Variants in DISC1 observed in about 807,000 individuals in gnomAD.
DISC1 encodes the protein disrupted in schizophrenia 1 protein.
DISC1 carries 57 observed loss-of-function variants against 84.5 expected under a neutral mutation model. The ratio of observed to expected loss-of-function variants is 0.67; its 90% confidence interval spans 0.55 to 0.84. DISC1 has a LOEUF of 0.84. Among genes scored for constraint, DISC1 ranks in the 40% least tolerant of loss-of-function variants. The probability of loss-of-function intolerance (pLI) is 0.00; values close to 1 mark genes in which losing one functional copy is unlikely to be tolerated. For missense variants in DISC1, 1,000 were observed against 1,057.8 expected, an observed-to-expected ratio of 0.95 and a Z score of 0.76; for synonymous variants, 411 against 415.2, an observed-to-expected ratio of 0.99 and a Z score of 0.12.
chr1:231,917,051 A>C (rs968816281), intron 9 of DISC1, among the ~76,000 whole-genome samples: 1 of 152,186 alleles, frequency 6.6e-6, no homozygotes, highest in Non-Finnish European at 1.5e-5. Flanking sequence ...TCGGGGTACG[A>C]CATAGAAATG....
intron 11 of DISC1, among the ~76,000 whole-genome samples, chr1:232,021,373 CAA>C (rs1491437851): frequency 2.1e-5 from 3 of 142,416 alleles, no homozygotes; most frequent in East Asian, 2.1e-4. Flanking sequence ...CACACACACA[CAA>C]CCCTCAGAAT....
At position 232,009,393 on chromosome 1, in the gene DISC1, T is replaced by C. The variant is rs1187337209; in HGVS notation, c.2307+344T>C. 5.3e-6 allele frequency: 4 copies of C among 754,284 alleles called. No individual in the cohort carries two copies. Among genetic ancestry groups the C allele is most frequent in the Non-Finnish European group, 6.6e-6 (4 of 609,110 alleles). The allele number at this position is 754,284 out of a possible 1,614,324, so 46.7% of individuals were successfully genotyped here. On this transcript the variant is annotated intron_variant, in intron 11 of 12. Coordinates refer to ENST00000439617, the MANE Select transcript of DISC1 (RefSeq NM_018662.3). This position sits in a 1 kb window ranked among gnomAD's most constrained non-coding sequence, Gnocchi z 4.6. Reference sequence around the variant, plus strand: ...TAGTTATTATATTCACTATAGATTATATATGCCATACATGATATTTAACAT... The same window carrying C: ...TAGTTATTATATTCACTATAGATTACATATGCCATACATGATATTTAACAT...
At chr1:231,633,238 C>G (rs1371487261) in intron 1 of DISC1, among the ~76,000 whole-genome samples, 1 of 152,176 alleles carries the variant, frequency 6.6e-6, no homozygotes, top group Non-Finnish European at 1.5e-5. Context: ...GACAGCCACA[C>G]ATTAGAAAGG....
intron 9 of DISC1, among the ~76,000 whole-genome samples, chr1:231,834,195 A>G: frequency 6.6e-6 from 1 of 152,190 alleles, no homozygotes; most frequent in South Asian, 2.1e-4. Context: ...ACTGTAAGCC[A>G]GACCGGGTGT....
intron 1 of DISC1, among the ~76,000 whole-genome samples, chr1:231,686,032 A>C (rs1006008621): frequency 2.6e-5 from 4 of 152,192 alleles, no homozygotes; most frequent in Admixed American, 1.3e-4. Context: ...CACTGATCCA[A>C]GAGGTGGGTT....
chr1:231,741,212 CA>C (rs1401788785), intron 3 of DISC1, among the ~76,000 whole-genome samples: 1 of 152,148 alleles, frequency 6.6e-6, no homozygotes, highest in Admixed American at 6.5e-5. Context: ...ACGAGAGACT[CA>C]CGAGGATGTG....
chr1:231,654,885 G>A (rs1369752464), intron 1 of DISC1, among the ~76,000 whole-genome samples: 2 of 152,096 alleles, frequency 1.3e-5, no homozygotes, highest in Non-Finnish European at 2.9e-5. Flanking sequence ...ACTTCCTTGA[G>A]GCCTTCAGGG....
At chr1:231,832,763 A>G (rs2093551) in intron 9 of DISC1, among the ~76,000 whole-genome samples, 125,767 of 142,914 alleles carry the variant, frequency 0.88, 55,599 homozygotes, top group African/African-American at 0.89. Context: ...TTGGCACCAC[A>G]GGGTGGATAG....
intron 9 of DISC1, among the ~76,000 whole-genome samples, chr1:231,949,791 G>C (rs1284975713): frequency 6.6e-6 from 1 of 152,202 alleles, no homozygotes; most frequent in Non-Finnish European, 1.5e-5. Context: ...CTCTGCTTTA[G>C]AGGGAAAAGT....
rs2102999870 is a variant in DISC1, at chr1:232,009,543, T to C, written c.2307+494T>C. 1 of 893,446 alleles carries C rather than the reference T, an allele frequency of 1.1e-6. No individual in the cohort carries two copies. Among genetic ancestry groups the C allele is most frequent in the Admixed American group, 6.2e-5 (1 of 16,116 alleles). 55.3% of individuals were successfully genotyped at this position (893,446 alleles called of 1,614,324 possible). On this transcript the variant is annotated intron_variant, in intron 11 of 12. Transcript: ENST00000439617. This position sits in a 1 kb window ranked among gnomAD's most constrained non-coding sequence, Gnocchi z 4.6. ...ATATATGTATTTATCCCATTAATTG[T>C]TTTTACCAAAACCAGATCATAATGA...
At chr1:231,932,720 G>T (rs1258178773) in intron 9 of DISC1, among the ~76,000 whole-genome samples, 1 of 152,156 alleles carries the variant, frequency 6.6e-6, no homozygotes, top group Non-Finnish European at 1.5e-5. Flanking sequence ...CTCTCCAGGA[G>T]CCAATCATTT....
chr1:232,014,246 A>G (rs1668280910), intron 11 of DISC1, among the ~76,000 whole-genome samples: 2 of 152,130 alleles, frequency 1.3e-5, no homozygotes, highest in Non-Finnish European at 2.9e-5. Context: ...TCTGACACTT[A>G]CTGGCCCTGG....
At chr1:231,780,774 T>C (rs1279305936) in intron 6 of DISC1, among the ~76,000 whole-genome samples, 1 of 93,058 alleles carries the variant, frequency 1.1e-5, no homozygotes, top group African/African-American at 4.2e-5. Flanking sequence ...TGTCCATCAA[T>C]GATAGACTGG....
chr1:231,723,096 G>A, intron 3 of DISC1: 1 of 1,003,326 alleles, frequency 1.0e-6, no homozygotes, highest in Non-Finnish European at 1.2e-6. Flanking sequence ...GACGCCTGTG[G>A]ATACAGAAAT....
chr1:231,739,434 C>A (rs919566424), intron 3 of DISC1, among the ~76,000 whole-genome samples: 1 of 152,228 alleles, frequency 6.6e-6, no homozygotes, highest in Non-Finnish European at 1.5e-5. Context: ...CATCCCCAGG[C>A]CCTGGCAGGC....
chr1:231,654,244 A>C (rs1572543040), intron 1 of DISC1, among the ~76,000 whole-genome samples: 1 of 152,090 alleles, frequency 6.6e-6, no homozygotes. Flanking sequence ...TCTTTAAAAA[A>C]TTTTATTTTT....
intron 10 of DISC1, among the ~76,000 whole-genome samples, chr1:232,005,567 G>A (rs546900371): frequency 6.6e-6 from 1 of 152,288 alleles, no homozygotes; most frequent in East Asian, 1.9e-4. Flanking sequence ...TTTCCTAAAT[G>A]TGTGGTTTGA....
chr1:231,785,405 G>A (rs1413045002), intron 6 of DISC1, among the ~76,000 whole-genome samples: 2 of 151,714 alleles, frequency 1.3e-5, no homozygotes, highest in Non-Finnish European at 2.9e-5. Context: ...TCAGCCTCTC[G>A]AGTAGCTGGG....
intron 1 of DISC1, among the ~76,000 whole-genome samples, chr1:231,680,128 T>G (rs750925610): frequency 6.6e-6 from 1 of 152,124 alleles, no homozygotes; most frequent in Non-Finnish European, 1.5e-5. Flanking sequence ...CTTGGGAGGC[T>G]GAGTCAGGAG....
Sources: allele counts gnomAD v4.1 joint callset (sites outside exome capture counted in the v4.1 genomes callset), GRCh38; gene constraint gnomAD v4.1.1; non-coding constraint Gnocchi (gnomAD v3.1); transcripts MANE v1.5; gene names NCBI Gene and HGNC (gene_info 2026-07-23, HGNC 2026-07-21).